Variants in GALNT13 observed in about 807,000 individuals in gnomAD.
GALNT13 encodes the protein UDP-GalNAc:polypeptide N-acetylgalactosaminyltransferase 13.
A neutral mutation model predicts 64.2 loss-of-function variants in GALNT13; 28 were observed. The observed-to-expected ratio is 0.44, with a 90% CI of 0.32 to 0.60. The LOEUF (loss-of-function observed/expected upper bound fraction) is 0.60. GALNT13 is among the 20% of genes least tolerant of loss of function. The pLI, the probability that GALNT13 is intolerant of heterozygous loss-of-function variation, is 0.05. For missense variants in GALNT13, 577 were observed against 669.8 expected (o/e 0.86, Z 1.53); for synonymous variants, 214 against 224.6 (o/e 0.95, Z 0.42).
intron 10 of GALNT13, among the ~76,000 whole-genome samples, chr2:154,400,317 T>C (rs1699244779): frequency 6.6e-6 from 1 of 152,202 alleles, no homozygotes; most frequent in Admixed American, 6.5e-5. Context: ...AGAACAATAT[T>C]TCTTTGCAGT....
chr2:154,349,154 G>C (rs1426581429), intron 9 of GALNT13, among the ~76,000 whole-genome samples: 1 of 152,154 alleles, frequency 6.6e-6, no homozygotes, highest in Admixed American at 6.5e-5. Context: ...TCAGTAAACA[G>C]GCACGTATAA....
chr2:154,049,637 A>G (rs1202468629), intron 3 of GALNT13, among the ~76,000 whole-genome samples: 1 of 151,394 alleles, frequency 6.6e-6, no homozygotes, highest in Non-Finnish European at 1.5e-5. Context: ...TTTCTCCACT[A>G]AAAAATACGA....
intron 11 of GALNT13, among the ~76,000 whole-genome samples, chr2:154,418,871 T>A (rs1210592542): frequency 6.6e-6 from 1 of 152,180 alleles, no homozygotes; most frequent in East Asian, 1.9e-4. Flanking sequence ...AAACATGTTG[T>A]GATAGCTAGA....
At chr2:153,222,334 G>GGGGGGGT in the GALNT13 span, among the ~76,000 whole-genome samples, 1 of 37,242 alleles carries the variant, frequency 2.7e-5, no homozygotes, top group Admixed American at 2.0e-4. Flanking sequence ...GGGTGGGGTG[G>GGGGGGGT]GGGGGGGGGT....
chr2:153,594,353 T>G, the GALNT13 span, among the ~76,000 whole-genome samples: 7 of 152,286 alleles, frequency 4.6e-5, no homozygotes, highest in South Asian at 1.5e-3. Flanking sequence ...ATCATTTATA[T>G]AACATTTGCC....
the GALNT13 span, among the ~76,000 whole-genome samples, chr2:153,403,836 C>G: frequency 6.6e-6 from 1 of 152,154 alleles, no homozygotes. Flanking sequence ...TCTGGCACTC[C>G]CTAGTGAGAT....
At chr2:154,020,527 G>T (rs955139202) in intron 3 of GALNT13, among the ~76,000 whole-genome samples, 2 of 151,974 alleles carry the variant, frequency 1.3e-5, no homozygotes, top group African/African-American at 4.8e-5. Context: ...CATATCTTTC[G>T]CCCACTTTTT....
the GALNT13 span, among the ~76,000 whole-genome samples, chr2:153,543,329 T>G: frequency 6.6e-6 from 1 of 152,208 alleles, no homozygotes; most frequent in African/African-American, 2.4e-5. Context: ...TACATCTTAC[T>G]GTTGAGTGCA....
At chr2:153,740,603 G>C in the GALNT13 span, among the ~76,000 whole-genome samples, 8 of 151,890 alleles carry the variant, frequency 5.3e-5, no homozygotes, top group Non-Finnish European at 1.2e-4. Flanking sequence ...TATAATTTTG[G>C]ATTGTATCCT....
At chr2:153,454,022 TAAA>T in the GALNT13 span, among the ~76,000 whole-genome samples, 1 of 151,912 alleles carries the variant, frequency 6.6e-6, no homozygotes, top group Non-Finnish European at 1.5e-5. Flanking sequence ...AGAAAAATAA[TAAA>T]AAAATACCAC....
chr2:153,138,734 C>T, the GALNT13 span, among the ~76,000 whole-genome samples: 1 of 151,892 alleles, frequency 6.6e-6, no homozygotes, highest in Admixed American at 6.6e-5. Flanking sequence ...TCTTCTTCTC[C>T]CTTGCACCCT....
chr2:154,405,877 T>G (rs544675378), intron 10 of GALNT13, among the ~76,000 whole-genome samples: 1 of 152,206 alleles, frequency 6.6e-6, no homozygotes, highest in East Asian at 1.9e-4. Flanking sequence ...AAAAATCAGT[T>G]TGGCTTCGAG....
chr2:153,176,664 G>A, the GALNT13 span, among the ~76,000 whole-genome samples: 3 of 149,232 alleles, frequency 2.0e-5, no homozygotes, highest in Admixed American at 1.3e-4. Context: ...AAGGAGAGAA[G>A]GAAAAAAAGC....
At chr2:153,770,627 A>G in the GALNT13 span, among the ~76,000 whole-genome samples, 1 of 152,228 alleles carries the variant, frequency 6.6e-6, no homozygotes, top group Non-Finnish European at 1.5e-5. Flanking sequence ...ATTCATTTGC[A>G]TCAAGGATCA....
chr2:153,319,931 A>G, the GALNT13 span, among the ~76,000 whole-genome samples: 7 of 152,192 alleles, frequency 4.6e-5, no homozygotes, highest in Non-Finnish European at 1.5e-5. Flanking sequence ...ATTTTAGTGG[A>G]AGGGGAGACC....
At chr2:153,085,260 A>G in the GALNT13 span, among the ~76,000 whole-genome samples, 1 of 152,200 alleles carries the variant, frequency 6.6e-6, no homozygotes, top group African/African-American at 2.4e-5. Context: ...GCGAGAAAAG[A>G]AATACCCATT....
At chr2:153,610,229 A>G in the GALNT13 span, among the ~76,000 whole-genome samples, 26 of 152,226 alleles carry the variant, frequency 1.7e-4, no homozygotes, top group African/African-American at 5.5e-4. Context: ...ACAAACTATC[A>G]TATTGCACAT....
Position 154,451,712 on chromosome 2 carries a change from AC to A in GALNT13, c.*1164del, listed in dbSNP as rs1701877100. ...TCACATTTTCTTTTCTCATCTTAAA[AC>A]CCTTTATGTTCAAAATACATTAGCA... is the stretch of plus-strand genomic sequence containing the variant. On this transcript the variant is annotated 3_prime_UTR_variant, in exon 13 of 13. Coordinates refer to ENST00000392825, the MANE Select transcript of GALNT13 (RefSeq NM_052917.4). The A allele has an allele frequency of 6.6e-6, 1 of 151,914 alleles. No individual in the cohort carries two copies. Among genetic ancestry groups the A allele is most frequent in the African/African-American group, 2.4e-5 (1 of 41,380 alleles). 9.4% of individuals were successfully genotyped at this position (151,914 alleles called of 1,614,324 possible). A position where few individuals can be genotyped will look rare whatever the true frequency, so the allele number is the denominator to read the frequency against.
At chr2:153,984,819 T>A (rs957485064) in intron 3 of GALNT13, among the ~76,000 whole-genome samples, 3 of 151,964 alleles carry the variant, frequency 2.0e-5, no homozygotes, top group African/African-American at 7.2e-5. Flanking sequence ...TCATTTTGGA[T>A]AGTTTTCAAC....
Sources: allele counts gnomAD v4.1 joint callset (sites outside exome capture counted in the v4.1 genomes callset), GRCh38; gene constraint gnomAD v4.1.1; transcripts MANE v1.5; gene names NCBI Gene and HGNC (gene_info 2026-07-23, HGNC 2026-07-21).